Variants in CNTNAP5 observed in about 807,000 individuals in gnomAD.
CNTNAP5 encodes the protein contactin-associated protein-like 5.
In CNTNAP5, 72 loss-of-function variants were observed where a neutral mutation model predicts 150.2. That is an observed-to-expected ratio of 0.48 (90% CI 0.40 to 0.58). CNTNAP5 has a LOEUF of 0.58. Ranked by LOEUF, CNTNAP5 falls within the 20% of genes least tolerant of loss-of-function variation. CNTNAP5 has a pLI of 0.00. For missense variants in CNTNAP5, 1,636 were observed against 1,626.2 expected, an observed-to-expected ratio of 1.01 and a Z score of -0.10; for synonymous variants, 672 against 619.8, an observed-to-expected ratio of 1.08 and a Z score of -1.25.
chr2:124,034,069 C>T (rs1448083712), intron 1 of CNTNAP5, among the ~76,000 whole-genome samples: 1 of 152,134 alleles, frequency 6.6e-6, no homozygotes, highest in Non-Finnish European at 1.5e-5. Context: ...GAAACCCTCC[C>T]TCATATTACA....
chr2:124,198,980 A>G (rs1233600553), intron 1 of CNTNAP5, among the ~76,000 whole-genome samples: 3 of 151,844 alleles, frequency 2.0e-5, no homozygotes, highest in Admixed American at 6.6e-5. Context: ...TGTGTCTGGT[A>G]GTCTTATTTT....
intron 14 of CNTNAP5, among the ~76,000 whole-genome samples, chr2:124,758,273 C>T (rs947655551): frequency 3.3e-5 from 5 of 152,070 alleles, no homozygotes; most frequent in Admixed American, 1.3e-4. Flanking sequence ...ACTGAGTGTA[C>T]AGGACAAGTC....
At chr2:124,035,716 A>G (rs965572171) in intron 1 of CNTNAP5, among the ~76,000 whole-genome samples, 9 of 152,132 alleles carry the variant, frequency 5.9e-5, no homozygotes, top group African/African-American at 2.2e-4. Context: ...CCAAATCCCC[A>G]ATTAAAATTG....
chr2:124,725,538 CCT>C (rs1313760422), intron 13 of CNTNAP5, among the ~76,000 whole-genome samples: 2 of 148,504 alleles, frequency 1.3e-5, no homozygotes, highest in African/African-American at 5.0e-5. Context: ...TTGTTTCCTT[CCT>C]CTCTCTCTCA....
chr2:124,882,058 T>C (rs532551660), intron 21 of CNTNAP5, among the ~76,000 whole-genome samples: 15 of 151,918 alleles, frequency 9.9e-5, no homozygotes, highest in Non-Finnish European at 1.2e-4. Context: ...ACTGAAGCAG[T>C]CTTAGGAAAA....
At chr2:124,637,793 T>G (rs1050271334) in intron 12 of CNTNAP5, among the ~76,000 whole-genome samples, 2 of 152,204 alleles carry the variant, frequency 1.3e-5, no homozygotes, top group African/African-American at 4.8e-5. Context: ...TGTGTCGTTA[T>G]GGACTCTAAT....
intron 11 of CNTNAP5, among the ~76,000 whole-genome samples, chr2:124,569,705 T>C (rs1008354488): frequency 6.6e-6 from 1 of 152,198 alleles, no homozygotes; most frequent in African/African-American, 2.4e-5. Flanking sequence ...ATCCTAACAA[T>C]GCCCTTTAGC....
rs769080278 is a variant in CNTNAP5, at chr2:124,527,401, G to C, written c.1594G>C (p.Gly532Arg). Reference protein sequence around the residue: ...QPKDLISVQQGSLGNFSDLHI... With the variant: ...QPKDLISVQQRSLGNFSDLHI... ...CAAGGACCTCATTTCAGTTCAGCAAGGTTCCCTGGGGAATTTTAGTGATTT... is the reference window on the plus strand; with the variant it reads ...CAAGGACCTCATTTCAGTTCAGCAACGTTCCCTGGGGAATTTTAGTGATTT... Residue 532 changes from glycine (G) to arginine (R), a missense_variant, in exon 10 of 24, where the codon GGT (glycine) becomes CGT (arginine). Coordinates refer to ENST00000682447, the MANE Select transcript of CNTNAP5 (RefSeq NM_001367498.1). 1 of 1,613,748 alleles carries C rather than the reference G, an allele frequency of 6.2e-7. No individual in the cohort carries two copies.
chr2:124,495,245 G>T (rs1291512108), intron 7 of CNTNAP5, among the ~76,000 whole-genome samples: 2 of 151,926 alleles, frequency 1.3e-5, no homozygotes, highest in East Asian at 3.9e-4. Flanking sequence ...TATAAATAAT[G>T]GTTCTCAGTG....
chr2:124,188,716 C>CAAAAAAAAAAA (rs70996047), intron 1 of CNTNAP5, among the ~76,000 whole-genome samples: 17 of 73,054 alleles, frequency 2.3e-4, no homozygotes, highest in Non-Finnish European at 3.1e-4. Context: ...GACTCTGTCT[C>CAAAAAAAAAAA]AAAAAAAAAA....
At chr2:124,747,532 T>C (rs928280687) in intron 14 of CNTNAP5, 147 bp downstream of exon 14, 31 of 889,376 alleles carry the variant, frequency 3.5e-5, no homozygotes, top group Non-Finnish European at 5.5e-5. Context: ...ACCTTAAAAA[T>C]GGTAAATTCT....
At chr2:124,433,141 A>T (rs1319099688) in intron 4 of CNTNAP5, among the ~76,000 whole-genome samples, 2 of 152,166 alleles carry the variant, frequency 1.3e-5, no homozygotes, top group South Asian at 4.1e-4. Context: ...TCACTATTCC[A>T]TGAGTGGTGG....
intron 19 of CNTNAP5, among the ~76,000 whole-genome samples, chr2:124,826,238 T>A (rs1165947542): frequency 6.6e-6 from 1 of 152,180 alleles, no homozygotes; most frequent in Non-Finnish European, 1.5e-5. Context: ...TTCCAAAGTA[T>A]TTGTCTTGCT....
intron 17 of CNTNAP5, among the ~76,000 whole-genome samples, chr2:124,780,466 T>C (rs1338984383): frequency 6.6e-6 from 1 of 152,188 alleles, no homozygotes. Flanking sequence ...TGTGAGTGCC[T>C]CAAAAGCTGA....
chr2:124,268,057 A>G (rs1331048408), intron 3 of CNTNAP5, among the ~76,000 whole-genome samples: 1 of 152,164 alleles, frequency 6.6e-6, no homozygotes, highest in Non-Finnish European at 1.5e-5. Flanking sequence ...CACATTTGCA[A>G]GGGGATTGGC....
intron 21 of CNTNAP5, among the ~76,000 whole-genome samples, chr2:124,890,450 G>A (rs947887973): frequency 5.3e-5 from 8 of 152,076 alleles, no homozygotes; most frequent in African/African-American, 1.9e-4. Context: ...TCCAGTGCTG[G>A]TTGGTTCCCT....
chr2:124,611,253 G>T (rs1438446192), intron 12 of CNTNAP5, among the ~76,000 whole-genome samples: 2 of 152,192 alleles, frequency 1.3e-5, no homozygotes, highest in South Asian at 4.1e-4. Context: ...AGGCAGTAAA[G>T]TCAGGAACAC....
intron 11 of CNTNAP5, among the ~76,000 whole-genome samples, chr2:124,601,774 G>T (rs1375222447): frequency 6.6e-6 from 1 of 152,178 alleles, no homozygotes; most frequent in Non-Finnish European, 1.5e-5. Context: ...TTCTTCAGTG[G>T]ATTAATTATT....
At chr2:124,137,539 T>G (rs1180499314) in intron 1 of CNTNAP5, among the ~76,000 whole-genome samples, 1 of 152,194 alleles carries the variant, frequency 6.6e-6, no homozygotes, top group East Asian at 1.9e-4. Flanking sequence ...TTTAGAGATT[T>G]TTTTTCAGTC....
Sources: gnomAD v4.1 joint callset for allele counts (sites outside exome capture counted in the v4.1 genomes callset) on GRCh38, gnomAD v4.1.1 for gene constraint, MANE v1.5 for transcripts, NCBI Gene and HGNC (gene_info 2026-07-23, HGNC 2026-07-21) for gene names.